The following CDH4 variants were observed in gnomAD, a reference collection of about 807,000 sequenced individuals.
The protein encoded by CDH4 is cadherin-4.
Under a neutral mutation model 86.0 loss-of-function variants are expected in CDH4, and 33 were observed. The observed-to-expected ratio is 0.38, with a 90% CI of 0.29 to 0.51. The LOEUF is 0.51. Among genes scored for constraint, CDH4 ranks in the 20% least tolerant of loss-of-function variants. The pLI is 0.86. For missense variants in CDH4, 1,114 were observed against 1,307.4 expected (o/e 0.85, Z 2.28); for synonymous variants, 555 against 549.4 (o/e 1.01, Z -0.14).
At chr20:61,529,090 T>A (rs1192984749) in intron 2 of CDH4, among the ~76,000 whole-genome samples, 1 of 152,232 alleles carries the variant, frequency 6.6e-6, no homozygotes, top group East Asian at 1.9e-4. Context: ...TAGGAAGGAA[T>A]GACCATTTTC....
At chr20:61,383,177 TTATGAATATA>T (rs1288214308) in intron 2 of CDH4, among the ~76,000 whole-genome samples, 6 of 102,378 alleles carry the variant, frequency 5.9e-5, no homozygotes, top group African/African-American at 2.7e-4. Flanking sequence ...ATGAATATAT[TTATGAATATA>T]TATGAATATA....
chr20:61,488,747 G>T (rs756853864), intron 2 of CDH4, among the ~76,000 whole-genome samples: 1 of 152,170 alleles, frequency 6.6e-6, no homozygotes, highest in Non-Finnish European at 1.5e-5. Flanking sequence ...AACTAAGCAT[G>T]CTCCTGTCGG....
intron 2 of CDH4, among the ~76,000 whole-genome samples, chr20:61,698,071 C>T (rs1483082022): frequency 6.6e-6 from 1 of 152,244 alleles, no homozygotes; most frequent in Non-Finnish European, 1.5e-5. Flanking sequence ...CTCACACTGC[C>T]ACACTGCCCG....
intron 2 of CDH4, among the ~76,000 whole-genome samples, chr20:61,597,497 G>T (rs2086565612): frequency 6.6e-6 from 1 of 152,216 alleles, no homozygotes; most frequent in Admixed American, 6.5e-5. Context: ...TACCCCAGCT[G>T]CCCATACCTT....
At chr20:61,494,286 T>C (rs2085644257) in intron 2 of CDH4, among the ~76,000 whole-genome samples, 1 of 152,230 alleles carries the variant, frequency 6.6e-6, no homozygotes, top group South Asian at 2.1e-4. Flanking sequence ...CCCCCACCTC[T>C]GCTCGTGCAT....
At chr20:61,471,746 C>T (rs2085504973) in intron 2 of CDH4, among the ~76,000 whole-genome samples, 1 of 152,044 alleles carries the variant, frequency 6.6e-6, no homozygotes, top group African/African-American at 2.4e-5. Context: ...CAATTTCCTT[C>T]TTAATTTCTT....
At chr20:61,578,488 T>C (rs757848951) in intron 2 of CDH4, among the ~76,000 whole-genome samples, 8 of 152,216 alleles carry the variant, frequency 5.3e-5, no homozygotes, top group Non-Finnish European at 1.0e-4. Context: ...GTGAAAATTA[T>C]AGAACCATCA....
rs1225769594 is a variant in CDH4 at position 61,253,211 on chromosome 20, C to T, written c.57+641C>T. On this transcript the variant is annotated intron_variant, in intron 1 of 15. Transcript: ENST00000614565. ...TGGAGCCTGCGTGTCCGGCGGGGCCCCGGGGGCTGGGAGCTGGGCCGGGCT... is the reference window on the plus strand; with the variant it reads ...TGGAGCCTGCGTGTCCGGCGGGGCCTCGGGGGCTGGGAGCTGGGCCGGGCT... Among the ~76,000 whole-genome samples the T allele has an allele frequency of 2.0e-5, 3 of 151,204 alleles. No homozygotes were observed. In the East Asian group the frequency reaches 5.8e-4, roughly 29 times the overall value.
rs552366019 is a variant in CDH4, at chr20:61,737,309, C to G, written c.170-6254C>G. On this transcript the variant is annotated intron_variant, in intron 2 of 15. Transcript: ENST00000614565. ...GAACAGGAGGCCAGCGGTATGGGGC[C>G]AGGTTGCCCAGAACCTCAGAATCTG... Among the ~76,000 whole-genome samples the G allele has an allele frequency of 2.0e-3, 304 of 152,258 alleles. 1 individual carries two copies. The highest frequency in any genetic ancestry group is 7.0e-3 in the African/African-American group (290 of 41,534).
intron 2 of CDH4, among the ~76,000 whole-genome samples, chr20:61,553,325 T>C (rs1379007282): frequency 1.3e-5 from 2 of 152,192 alleles, no homozygotes; most frequent in Non-Finnish European, 2.9e-5. Flanking sequence ...AGGGTTTCTT[T>C]TGGGGGCAAT....
chr20:61,721,398 C>G (rs941009853), intron 2 of CDH4, among the ~76,000 whole-genome samples: 10 of 152,306 alleles, frequency 6.6e-5, no homozygotes, highest in Admixed American at 6.5e-4. Context: ...AGGATGGACA[C>G]CAGGGGCTCT....
Position 61,516,894 on chromosome 20 carries a change from A to G in CDH4, c.170-226669A>G, listed in dbSNP as rs1368401696. ...CTAGCAAGGAGCTCCAGGCACCCTCAGCCTGTCAACTTTTCAACTCCTCCA... is the reference window on the plus strand; with the variant it reads ...CTAGCAAGGAGCTCCAGGCACCCTCGGCCTGTCAACTTTTCAACTCCTCCA... On this transcript the variant is annotated intron_variant, in intron 2 of 15. Coordinates refer to ENST00000614565, the MANE Select transcript of CDH4 (RefSeq NM_001794.5). This position sits in a 1 kb window ranked among gnomAD's most constrained non-coding sequence, Gnocchi z 4.0. Among the ~76,000 whole-genome samples, 2 of 152,152 alleles carry G rather than the reference A, an allele frequency of 1.3e-5. No homozygotes were observed. The highest frequency in any genetic ancestry group is 4.8e-5 in the African/African-American group (2 of 41,430).
intron 2 of CDH4, among the ~76,000 whole-genome samples, chr20:61,296,242 T>C (rs1439658231): frequency 7.6e-6 from 1 of 131,778 alleles, no homozygotes; most frequent in Non-Finnish European, 1.7e-5. Context: ...TGAGTGTGTG[T>C]ATGTGTGTGT....
At chr20:61,867,548 CAA>C (rs3079324) in intron 6 of CDH4, among the ~76,000 whole-genome samples, 100 of 88,036 alleles carry the variant, frequency 1.1e-3, no homozygotes, top group Non-Finnish European at 1.8e-3. Flanking sequence ...AGACTCCATC[CAA>C]AAAAAAAAAA....
chr20:61,789,631 C>T (rs960700593), intron 4 of CDH4, among the ~76,000 whole-genome samples: 6 of 152,200 alleles, frequency 3.9e-5, no homozygotes, highest in Non-Finnish European at 8.8e-5. Context: ...AGCAGAAAAT[C>T]GTTCCTCATG....
chr20:61,274,704 AGTTTGGGGGAGTACTGTGTGCTGTT>A lies in CDH4; in HGVS notation c.169+19789_169+19813del, dbSNP rs1317918183. 9.5e-5 allele frequency among the ~76,000 whole-genome samples: 11 copies of A among 116,316 alleles called. No individual in the cohort carries two copies. The South Asian group carries it at 2.0e-3, about 21-fold the overall frequency. 76.3% of individuals were successfully genotyped at this position (116,316 alleles called of 152,430 possible). A position where few individuals can be genotyped will look rare whatever the true frequency, so the allele number is the denominator to read the frequency against. On this transcript the variant is annotated intron_variant, in intron 2 of 15. Coordinates refer to ENST00000614565, the MANE Select transcript of CDH4 (RefSeq NM_001794.5). ...TGCAGTTTGGGGAAGTACCATGGGC[AGTTTGGGGGAGTACTGTGTGCTGTT>A]GTTTGGGGGAGTACTGTGTGCAGTT...
At chr20:61,319,121 C>T (rs1232759844) in intron 2 of CDH4, among the ~76,000 whole-genome samples, 2 of 152,142 alleles carry the variant, frequency 1.3e-5, no homozygotes, top group African/African-American at 4.8e-5. Context: ...GTCCTTAGCT[C>T]AGCCCTCTCT....
At position 61,652,917 on chromosome 20, in the gene CDH4, AATTT is replaced by A. The variant is rs200661197; in HGVS notation, c.170-90625_170-90622del. 2.1e-3 allele frequency among the ~76,000 whole-genome samples: 264 copies of A among 126,178 alleles called. 3 individuals carry two copies. The highest frequency in any genetic ancestry group is 4.0e-3 in the Middle Eastern group (1 of 248). The allele number at this position is 126,178 out of a possible 152,430, so 82.8% of individuals were successfully genotyped here. Reference sequence around the variant, plus strand: ...CTCTCCCAAAGGTTACCAGTGTTTGAATTTATTTATTTATTTATTTATTTTTTTT... The same window carrying A: ...CTCTCCCAAAGGTTACCAGTGTTTGAATTTATTTATTTATTTATTTTTTTT... On this transcript the variant is annotated intron_variant, in intron 2 of 15. Coordinates refer to ENST00000614565, the MANE Select transcript of CDH4 (RefSeq NM_001794.5).
chr20:61,280,438 C>A (rs754797205), intron 2 of CDH4, among the ~76,000 whole-genome samples: 44 of 152,192 alleles, frequency 2.9e-4, no homozygotes, highest in Non-Finnish European at 5.7e-4. Context: ...GCGGCACACA[C>A]AGCCCCTGCC....
Sources: gnomAD v4.1 joint callset for allele counts (sites outside exome capture counted in the v4.1 genomes callset) on GRCh38, gnomAD v4.1.1 for gene constraint, Gnocchi (gnomAD v3.1) non-coding constraint, MANE v1.5 for transcripts, NCBI Gene and HGNC (gene_info 2026-07-23, HGNC 2026-07-21) for gene names.